KANK3: variants seen among roughly 807,000 people sequenced by gnomAD.
KANK3 encodes the protein KN motif and ankyrin repeat domains 3.
KANK3 carries 61 observed loss-of-function variants against 65.4 expected under a neutral mutation model. That is an observed-to-expected ratio of 0.93 (90% CI 0.76 to 1.15). The LOEUF is 1.15. KANK3 is among the 50% of genes most tolerant of loss of function. The pLI, the probability that KANK3 is intolerant of heterozygous loss-of-function variation, is 0.00. For synonymous variants in KANK3, 586 were observed against 543.3 expected, an observed-to-expected ratio of 1.08 and a Z score of -1.09; for missense variants, 1,187 against 1,178.8, an observed-to-expected ratio of 1.01 and a Z score of -0.10.
intron 7 of KANK3, among the ~76,000 whole-genome samples, chr19:8,326,062 T>G (rs976561204): frequency 2.6e-5 from 4 of 151,994 alleles, no homozygotes; most frequent in African/African-American, 9.7e-5. Context: ...GACCTCATGA[T>G]TCGCTTGCCT....
intron 1 of KANK3, 72 bp from the exon 2 acceptor site, chr19:8,337,928 T>C (rs1203677221): frequency 1.9e-6 from 3 of 1,563,560 alleles, no homozygotes; most frequent in East Asian, 2.3e-5. Context: ...CCTTTGAGTC[T>C]AAGCAAACAG....
In KANK3 at chr19:8,325,159, A is replaced by G; in HGVS notation, c.1937-63T>C. On this transcript the variant is annotated intron_variant, in intron 7 of 10. Transcript: ENST00000330915. ...CACCGCGGCCCGACTTGATCCACTC[A>G]CCTCCCTGCAAGCCTCGGGCACAGC... 4 of 1,513,024 alleles carry G rather than the reference A, an allele frequency of 2.6e-6. No homozygotes were observed. The South Asian group carries it at 5.1e-5, about 19-fold the overall frequency. 93.7% of individuals were successfully genotyped at this position (1,513,024 alleles called of 1,614,324 possible).
In KANK3 at chr19:8,334,653, C is replaced by A; in HGVS notation, c.1174G>T (p.Gly392Trp). ...GCCTCGCGTAGCTGGGCCCGGGCCC[C>A]CGCCGCTGCCTCCTCCGCAGCCTCG... ...AREAAEEAAA[G>W]ARAQLREATT... The change falls in exon 3 of 11, where the codon GGG becomes TGG. Residue 392 changes from glycine to tryptophan, a missense_variant. This residue lies in a region of KANK3 where 1,078 missense variants were observed against 1,038.2 expected (regional missense o/e 1.04). Coordinates refer to ENST00000330915, the MANE Select transcript of KANK3 (RefSeq NM_198471.3). The A allele has an allele frequency of 6.5e-7, 1 of 1,541,192 alleles. No individual in the cohort carries two copies. The highest frequency in any genetic ancestry group is 8.7e-7 in the Non-Finnish European group (1 of 1,150,498).
At chr19:8,327,567 G>A (rs1970450922) in intron 7 of KANK3, among the ~76,000 whole-genome samples, 1 of 152,048 alleles carries the variant, frequency 6.6e-6, no homozygotes, top group Non-Finnish European at 1.5e-5. Context: ...GGAGACAGAG[G>A]TTGCAGTGAG....
At position 8,335,489 on chromosome 19, in the gene KANK3, C is replaced by T; in HGVS notation, c.338G>A (p.Gly113Glu). ...PGILSQGAPS[G>E]LLMQPLSPRA... ...CGGCGACAGCGGCTGCATCAGGAGC[C>T]CCGAGGGCGCGCCCTGGGAGAGTAT... Residue 113 changes from glycine (G) to glutamate (E), a missense_variant, in exon 3 of 11, where the codon GGG becomes GAG. Coordinates refer to ENST00000330915, the MANE Select transcript of KANK3 (RefSeq NM_198471.3). 8.1e-7 allele frequency: 1 copy of T among 1,238,450 alleles called. No homozygotes were observed. Among genetic ancestry groups the T allele is most frequent in the Non-Finnish European group, 1.0e-6 (1 of 986,502 alleles). 76.7% of individuals were successfully genotyped at this position (1,238,450 alleles called of 1,614,324 possible). A position where few individuals can be genotyped will look rare whatever the true frequency, so the allele number is the denominator to read the frequency against.
At position 8,326,620 on chromosome 19, in the gene KANK3, T is replaced by C. The variant is rs1244216010; in HGVS notation, c.1937-1524A>G. On this transcript the variant is annotated intron_variant, in intron 7 of 10. Transcript: ENST00000330915. ...GGCTAACTCAGTGAAACCCCGTCTC[T>C]ACTAAAAATACAAAAAAAAAAAAAA... Among the ~76,000 whole-genome samples, 3 of 136,220 alleles carry C rather than the reference T, an allele frequency of 2.2e-5. No homozygotes were observed. In the East Asian group the frequency reaches 6.2e-4, roughly 28 times the overall value. 89.4% of individuals were successfully genotyped at this position (136,220 alleles called of 152,430 possible). A position where few individuals can be genotyped will look rare whatever the true frequency, so the allele number is the denominator to read the frequency against.
chr19:8,334,936 C>A lies in KANK3; in HGVS notation c.891G>T (p.Thr297=), dbSNP rs1286505583. 2.0e-6 allele frequency: 3 copies of A among 1,482,810 alleles called. No individual in the cohort carries two copies. The highest frequency in any genetic ancestry group is 1.8e-6 in the Non-Finnish European group (2 of 1,126,548). 91.9% of individuals were successfully genotyped at this position (1,482,810 alleles called of 1,614,324 possible). A position where few individuals can be genotyped will look rare whatever the true frequency, so the allele number is the denominator to read the frequency against. The change falls in exon 3 of 11, where the codon ACG becomes ACT. Residue 297 remains threonine, a synonymous_variant. Transcript: ENST00000330915. ...CGGCGGCCACCTCCCGGGTCTGGGG[C>A]GTCCCATCGAGACTCCCGACCTCCC... ...LDGEVGSLDG[T]PQTREVAAEA... is the part of the protein sequence containing the mutation.
chr19:8,338,149 G>A (rs1459602208), intron 1 of KANK3, among the ~76,000 whole-genome samples: 1 of 148,562 alleles, frequency 6.7e-6, no homozygotes, highest in Non-Finnish European at 1.5e-5. Flanking sequence ...AGCCTCCCAA[G>A]TGGCTGGGAT....
intron 2 of KANK3, among the ~76,000 whole-genome samples, chr19:8,337,315 T>C (rs1030004305): frequency 6.7e-6 from 1 of 150,354 alleles, no homozygotes; most frequent in Non-Finnish European, 1.5e-5. Context: ...GCCATTCTCC[T>C]GCCTCAGCCT....
At chr19:8,337,942 C>T in intron 1 of KANK3, 86 bp from the exon 2 acceptor site, 1 of 1,559,448 alleles carries the variant, frequency 6.4e-7, no homozygotes, top group Non-Finnish European at 8.7e-7. Context: ...CAAACAGGAC[C>T]CAAGAGCTCT....
chr19:8,327,030 G>T (rs928926218), intron 7 of KANK3, among the ~76,000 whole-genome samples: 18 of 152,102 alleles, frequency 1.2e-4, no homozygotes, highest in Admixed American at 2.6e-4. Context: ...ATTTCCTGGA[G>T]TGGCTGTTTT....
At chr19:8,334,196 C>A in intron 4 of KANK3, 80 bp from the exon 5 acceptor site, 1 of 1,505,154 alleles carries the variant, frequency 6.6e-7, no homozygotes, top group South Asian at 1.3e-5. Context: ...TGTGGCCGTT[C>A]CCATTTAACG....
chr19:8,337,804 T>C lies in KANK3; in HGVS notation c.25A>G (p.Asn9Asp). 1 of 1,613,394 alleles carries C rather than the reference T, an allele frequency of 6.2e-7. No homozygotes were observed. The highest frequency in any genetic ancestry group is 8.5e-7 in the Non-Finnish European group (1 of 1,179,990). The change falls in exon 2 of 11, where the codon AAC (asparagine) becomes GAC (aspartate). Residue 9 changes from asparagine to aspartate, a missense_variant. This residue lies in a region of KANK3 where 104 missense variants were observed against 122.1 expected (regional missense o/e 0.85). Transcript: ENST00000330915. MAKFALNQNLPDLGGPRLC... is the reference protein window; with the variant it reads MAKFALNQDLPDLGGPRLC... ...CTTTTTGCACACTCACCGGGCAGGT[T>C]CTGATTCAGGGCAAACTTGGCCATG...
intron 10 of KANK3, chr19:8,323,637 G>A (rs1464027148): frequency 1.3e-5 from 2 of 152,206 alleles, no homozygotes; most frequent in East Asian, 3.9e-4. Flanking sequence ...AGAGGCTGAG[G>A]CAGAAGAATC....
Position 8,335,474 on chromosome 19 carries a change from G to T in KANK3, c.353C>A (p.Pro118Gln). Residue 118 changes from proline (P) to glutamine (Q), a missense_variant, in exon 3 of 11, where the codon CCG (proline) becomes CAG (glutamine). Pro to Gln is a moderately conservative substitution (Grantham distance 76). Transcript: ENST00000330915. ...GCGCACGGGCGCGCGCGGCGACAGCGGCTGCATCAGGAGCCCCGAGGGCGC... is the reference window on the plus strand; with the variant it reads ...GCGCACGGGCGCGCGCGGCGACAGCTGCTGCATCAGGAGCCCCGAGGGCGC... ...QGAPSGLLMQPLSPRAPVRNP... is the reference protein window; with the variant it reads ...QGAPSGLLMQQLSPRAPVRNP... The T allele has an allele frequency of 2.4e-6, 3 of 1,236,862 alleles. No individual in the cohort carries two copies. Among genetic ancestry groups the T allele is most frequent in the Non-Finnish European group, 3.0e-6 (3 of 986,750 alleles). 76.6% of individuals were successfully genotyped at this position (1,236,862 alleles called of 1,614,324 possible).
At chr19:8,339,963 CAAAAAAAAA>C (rs59020478) in intron 1 of KANK3, among the ~76,000 whole-genome samples, 13 of 95,786 alleles carry the variant, frequency 1.4e-4, no homozygotes, top group Non-Finnish European at 2.1e-4. Flanking sequence ...GACCTTGTCT[CAAAAAAAAA>C]AAAAAAAAAA....
intron 10 of KANK3, chr19:8,323,322 T>G (rs1415973100): frequency 6.3e-6 from 1 of 158,214 alleles, no homozygotes; most frequent in Non-Finnish European, 1.4e-5. Context: ...GTATTGAATG[T>G]CTTATGTAAT....
rs1970390323 is a variant in KANK3 at position 8,324,737 on chromosome 19, C to T, written c.2176G>A (p.Asp726Asn). 3.7e-6 allele frequency: 6 copies of T among 1,614,070 alleles called. No individual in the cohort carries two copies. The highest frequency in any genetic ancestry group is 5.1e-6 in the Non-Finnish European group (6 of 1,180,022). Residue 726 changes from aspartate (D) to asparagine (N), a missense_variant, in exon 9 of 11, where the codon GAT (aspartate) becomes AAT (asparagine). Coordinates refer to ENST00000330915, the MANE Select transcript of KANK3 (RefSeq NM_198471.3). Reference protein sequence around the residue: ...LACGADVNAQDADGATALMCA... With the variant: ...LACGADVNAQNADGATALMCA... The stretch of plus-strand genomic sequence containing the variant: ...ATCAGCGCTGTGGCCCCATCCGCAT[C>T]CTGCGCATTCACATCAGCCCCACAC...
Position 8,334,846 on chromosome 19 carries a change from C to A in KANK3, c.981G>T (p.Val327=). ...CCTCCACGGTCTCGGGGGCAGCCTCCACGCCGGCCTCCCGGGTCTCCGGCA... is the reference window on the plus strand; with the variant it reads ...CCTCCACGGTCTCGGGGGCAGCCTCAACGCCGGCCTCCCGGGTCTCCGGCA... ...QAVPETREAG[V]EAAPETVEAD... is the part of the protein sequence containing the mutation. Residue 327 remains valine, a synonymous_variant, in exon 3 of 11, where the codon GTG becomes GTT. Coordinates refer to ENST00000330915, the MANE Select transcript of KANK3 (RefSeq NM_198471.3). 6.8e-7 allele frequency: 1 copy of A among 1,471,772 alleles called. No homozygotes were observed. The highest frequency in any genetic ancestry group is 2.9e-5 in the East Asian group (1 of 34,794). The allele number at this position is 1,471,772 out of a possible 1,614,324, so 91.2% of individuals were successfully genotyped here.
Sources: allele counts gnomAD v4.1 joint callset (sites outside exome capture counted in the v4.1 genomes callset), GRCh38; gene constraint gnomAD v4.1.1; regional missense constraint gnomAD v4.1.1; transcripts MANE v1.5; gene names NCBI Gene and HGNC (gene_info 2026-07-23, HGNC 2026-07-21).